Variants in ASPG observed in about 807,000 individuals in gnomAD.
ASPG encodes 60 kDa lysophospholipase.
ASPG carries 53 observed loss-of-function variants against 63.2 expected under a neutral mutation model. That is an observed-to-expected ratio of 0.84 (90% CI 0.67 to 1.05). ASPG has a LOEUF of 1.05. Ranked by LOEUF, ASPG falls within the 50% of genes least tolerant of loss-of-function variation. The probability of loss-of-function intolerance (pLI) is 0.00; values close to 1 mark genes in which losing one functional copy is unlikely to be tolerated. For synonymous variants in ASPG, 370 were observed against 355.0 expected (o/e 1.04, Z -0.48); for missense variants, 741 against 794.4 (o/e 0.93, Z 0.81).
chr14:104,106,979 C>T, intron 11 of ASPG, 85 bp downstream of exon 11: 1 of 1,401,418 alleles, frequency 7.1e-7, no homozygotes, highest in East Asian at 2.5e-5. Flanking sequence ...GGCCTTTCAT[C>T]CACCCACTGA....
intron 1 of ASPG, among the ~76,000 whole-genome samples, chr14:104,088,745 G>A (rs967544515): frequency 6.6e-6 from 1 of 152,154 alleles, no homozygotes; most frequent in Non-Finnish European, 1.5e-5. Flanking sequence ...ACGTTCACAA[G>A]TTTCTAAGCC....
intron 5 of ASPG, among the ~76,000 whole-genome samples, chr14:104,098,444 C>G (rs994215954): frequency 1.3e-5 from 2 of 152,182 alleles, no homozygotes; most frequent in Non-Finnish European, 2.9e-5. Context: ...GAGCAGGGGC[C>G]TCAGGGACTC....
chr14:104,093,432 C>T (rs2036440801), intron 2 of ASPG, 59 bp from the exon 3 acceptor site: 1 of 1,438,004 alleles, frequency 7.0e-7, no homozygotes. Context: ...GCATTTAGAG[C>T]AGGAGGAGGT....
chr14:104,102,577 G>T (rs1413715139), intron 6 of ASPG, among the ~76,000 whole-genome samples: 1 of 152,194 alleles, frequency 6.6e-6, no homozygotes, highest in Non-Finnish European at 1.5e-5. Context: ...ACACCTCACA[G>T]TGTGGTGGGA....
At chr14:104,097,736 C>T in intron 5 of ASPG, 99 bp downstream of exon 5, 1 of 1,100,872 alleles carries the variant, frequency 9.1e-7, no homozygotes, top group Admixed American at 2.1e-5. Flanking sequence ...TCCCCAGACG[C>T]CACTGCCAAT....
Position 104,085,755 on chromosome 14 carries a change from T to C in ASPG, c.-16T>C. ...CGCTGCACACCCCCGTCCACTCCCGTGGTCCCCGGTCCGGCATGGCGCGCG... is the reference window on the plus strand; with the variant it reads ...CGCTGCACACCCCCGTCCACTCCCGCGGTCCCCGGTCCGGCATGGCGCGCG... On this transcript the variant is annotated 5_prime_UTR_variant, in exon 1 of 16. Transcript: ENST00000551177. 4 of 1,568,548 alleles carry C rather than the reference T, an allele frequency of 2.6e-6. No individual in the cohort carries two copies. The highest frequency in any genetic ancestry group is 3.4e-6 in the Non-Finnish European group (4 of 1,166,294).
chr14:104,103,677 T>C lies in ASPG; in HGVS notation c.753+2T>C. On this transcript the variant is annotated splice_donor_variant, in intron 7 of 15. Coordinates refer to ENST00000551177, the MANE Select transcript of ASPG (RefSeq NM_001080464.3). LOFTEE classifies it high-confidence loss of function. ...TACCCTGGGATCCCTGCCGCCCTGG[T>C]AGGGACCGCCCCGGCCATCCTGCCC... The C allele has an allele frequency of 6.5e-7, 1 of 1,545,948 alleles. No homozygotes were observed. Among genetic ancestry groups the C allele is most frequent in the Non-Finnish European group, 8.7e-7 (1 of 1,145,290 alleles).
At chr14:104,111,710 C>G in intron 14 of ASPG, 109 bp downstream of exon 14, 1 of 970,842 alleles carries the variant, frequency 1.0e-6, no homozygotes, top group Middle Eastern at 2.3e-4. Flanking sequence ...TGCCCCTCCC[C>G]CAAATGCCTG....
rs2036371890 is a variant in ASPG at position 104,091,690 on chromosome 14, CA to C, written c.83-941del. Reference sequence around the variant, plus strand: ...ATTAGAGGGGGCTGCTTTAACTTGCCAAGTTTGGGGTTAATTTGTGAGCCAG... The same window carrying C: ...ATTAGAGGGGGCTGCTTTAACTTGCCAGTTTGGGGTTAATTTGTGAGCCAG... On this transcript the variant is annotated intron_variant, in intron 1 of 15. Coordinates refer to ENST00000551177, the MANE Select transcript of ASPG (RefSeq NM_001080464.3). The surrounding 1 kb of genome is among the most constrained non-coding windows in gnomAD (Gnocchi z 6.4). Among the ~76,000 whole-genome samples, 1 of 151,830 alleles carries C rather than the reference CA, an allele frequency of 6.6e-6. No individual in the cohort carries two copies.
chr14:104,111,373 G>T, intron 13 of ASPG, 129 bp from the exon 14 acceptor site: 1 of 1,033,110 alleles, frequency 9.7e-7, no homozygotes, highest in Non-Finnish European at 1.4e-6. Flanking sequence ...CCAGGACCAG[G>T]TCGCTGCTGG....
In ASPG at chr14:104,110,976, C is replaced by T. The variant is rs1275625701; in HGVS notation, c.1521-526C>T. The T allele has an allele frequency of 4.2e-5, 41 of 985,282 alleles. No homozygotes were observed. The highest frequency in any genetic ancestry group is 3.4e-4 in the East Asian group (3 of 8,806). 61.0% of individuals were successfully genotyped at this position (985,282 alleles called of 1,614,324 possible). On this transcript the variant is annotated intron_variant, in intron 13 of 15. Coordinates refer to ENST00000551177, the MANE Select transcript of ASPG (RefSeq NM_001080464.3). This position sits in a 1 kb window ranked among gnomAD's most constrained non-coding sequence, Gnocchi z 4.7. ...CAGTCTGCCGGGGTCCAGGGCCAAC[C>T]GTTATCCTGGGTTGCCTCCTGTGTC...
chr14:104,109,714 G>A lies in ASPG; in HGVS notation c.1520+399G>A, dbSNP rs1467455652. On this transcript the variant is annotated intron_variant, in intron 13 of 15. Coordinates refer to ENST00000551177, the MANE Select transcript of ASPG (RefSeq NM_001080464.3). This position sits in a 1 kb window ranked among gnomAD's most constrained non-coding sequence, Gnocchi z 4.8. ...GCTGCATTTGGGGAGGTTGGGGCAG[G>A]TGGGGCACAGAGGAGCTGAAGCCCC... Among the ~76,000 whole-genome samples, 1 of 151,698 alleles carries A rather than the reference G, an allele frequency of 6.6e-6. No homozygotes were observed. The highest frequency in any genetic ancestry group is 1.5e-5 in the Non-Finnish European group (1 of 67,912).
chr14:104,112,455 G>A (rs1240824854), intron 15 of ASPG, 69 bp from the exon 16 acceptor site: 3 of 916,796 alleles, frequency 3.3e-6, no homozygotes, highest in Non-Finnish European at 5.5e-6. Context: ...CGGGGTGCCT[G>A]GGCTTGTCTC....
chr14:104,111,963 G>C lies in ASPG; in HGVS notation c.1664G>C (p.Ser555Thr), dbSNP rs751492444. 55 of 1,558,058 alleles carry C rather than the reference G, an allele frequency of 3.5e-5. No individual in the cohort carries two copies. The highest frequency in any genetic ancestry group is 4.8e-5 in the Non-Finnish European group (55 of 1,150,746). Residue 555 changes from serine (S) to threonine (T), a missense_variant, in exon 15 of 16, where the codon AGC becomes ACC. Physicochemically the swap from Ser to Thr is moderately conservative, Grantham distance 58 (BLOSUM62 1). Transcript: ENST00000551177. ...GNLAVVAFLQ[S>T]LEGAVGAQAP... ...CTGGCAGTGGTGGCCTTTCTACAGA[G>C]CCTGGAGGGTGCGGTTGGTGCCCAG...
In ASPG at chr14:104,103,669, C is replaced by T. The variant is rs910399350; in HGVS notation, c.747C>T (p.Ala249=). ...TGCGCCTCTACCCTGGGATCCCTGC[C>T]GCCCTGGTAGGGACCGCCCCGGCCA... ...GLLRLYPGIP[A]ALVRAFLQPP... Residue 249 remains alanine, a synonymous_variant, in exon 7 of 16, where the codon GCC becomes GCT. Coordinates refer to ENST00000551177, the MANE Select transcript of ASPG (RefSeq NM_001080464.3). The T allele has an allele frequency of 5.9e-5, 91 of 1,547,590 alleles. No homozygotes were observed. In the East Asian group the frequency reaches 8.6e-4, roughly 15 times the overall value.
rs562146567 is a variant in ASPG, at chr14:104,091,575, G to A, written c.83-1058G>A. The stretch of plus-strand genomic sequence containing the variant: ...TCACGGGGCCAAGGGCTGGTGTCCC[G>A]GGGCTGGTGACTTAACAGGCAGAGA... On this transcript the variant is annotated intron_variant, in intron 1 of 15. Transcript: ENST00000551177. This position sits in a 1 kb window ranked among gnomAD's most constrained non-coding sequence, Gnocchi z 6.4. Among the ~76,000 whole-genome samples, 11 of 152,252 alleles carry A rather than the reference G, an allele frequency of 7.2e-5. No homozygotes were observed. The East Asian group carries it at 2.1e-3, about 29-fold the overall frequency.
rs2037443551 is a variant in ASPG, at chr14:104,115,010, T to A, written c.*2466T>A. On this transcript the variant is annotated 3_prime_UTR_variant, in exon 16 of 16. Coordinates refer to ENST00000551177, the MANE Select transcript of ASPG (RefSeq NM_001080464.3). Reference sequence around the variant, plus strand: ...CCTCCCCACAGTGGGGTGGCGCCGCTCACACCTGGTAATTTCACGCTGGGG... The same window carrying A: ...CCTCCCCACAGTGGGGTGGCGCCGCACACACCTGGTAATTTCACGCTGGGG... 1 of 152,110 alleles carries A rather than the reference T, an allele frequency of 6.6e-6. No homozygotes were observed. The highest frequency in any genetic ancestry group is 2.4e-5 in the African/African-American group (1 of 41,424). 9.4% of individuals were successfully genotyped at this position (152,110 alleles called of 1,614,324 possible). A position where few individuals can be genotyped will look rare whatever the true frequency, so the allele number is the denominator to read the frequency against.
rs2037438728 is a variant in ASPG at position 104,114,515 on chromosome 14, G to C, written c.*1971G>C. 6.6e-6 allele frequency: 1 copy of C among 152,320 alleles called. No homozygotes were observed. The highest frequency in any genetic ancestry group is 1.5e-5 in the Non-Finnish European group (1 of 68,184). 9.4% of individuals were successfully genotyped at this position (152,320 alleles called of 1,614,324 possible). ...GGAGGCTGTGAAGAGTCATAGGCTT[G>C]AGTCTGGGAGCTTTCTCGGGGGCCG... is the stretch of plus-strand genomic sequence containing the variant. On this transcript the variant is annotated 3_prime_UTR_variant, in exon 16 of 16. Coordinates refer to ENST00000551177, the MANE Select transcript of ASPG (RefSeq NM_001080464.3).
At chr14:104,089,002 CGGTG>C (rs2036292536) in intron 1 of ASPG, among the ~76,000 whole-genome samples, 1 of 151,972 alleles carries the variant, frequency 6.6e-6, no homozygotes, top group Non-Finnish European at 1.5e-5. Flanking sequence ...GTGTGAAAGC[CGGTG>C]TTTGTTTATT....
Sources: allele counts gnomAD v4.1 joint callset (sites outside exome capture counted in the v4.1 genomes callset), GRCh38; gene constraint gnomAD v4.1.1; non-coding constraint Gnocchi (gnomAD v3.1); transcripts MANE v1.5; gene names NCBI Gene and HGNC (gene_info 2026-07-23, HGNC 2026-07-21).